The following MYO3B variants were observed in gnomAD, a reference collection of about 807,000 sequenced individuals.
MYO3B encodes myosin IIIB.
MYO3B carries 156 observed loss-of-function variants against 174.6 expected under a neutral mutation model. The ratio of observed to expected loss-of-function variants is 0.89; its 90% CI spans 0.78 to 1.02. The LOEUF (loss-of-function observed/expected upper bound fraction) is 1.02. Among genes scored for constraint, MYO3B ranks in the 50% least tolerant of loss-of-function variants. MYO3B has a pLI of 0.00. For missense variants in MYO3B, 1,632 were observed against 1,639.4 expected (o/e 1.00, Z 0.08); for synonymous variants, 563 against 569.1 (o/e 0.99, Z 0.15).
At chr2:170,559,465 G>C (rs547184491) in intron 32 of MYO3B, among the ~76,000 whole-genome samples, 1 of 152,274 alleles carries the variant, frequency 6.6e-6, no homozygotes, top group Non-Finnish European at 1.5e-5. Flanking sequence ...CAAAAGATCA[G>C]AGAGCAAAAT....
chr2:170,514,912 A>G lies in MYO3B; in HGVS notation c.3371-9A>G, dbSNP rs752442815. 2.0e-5 allele frequency: 32 copies of G among 1,610,794 alleles called. No homozygotes were observed. The highest frequency in any genetic ancestry group is 8.9e-5 in the South Asian group (8 of 90,296). On this transcript the variant is annotated splice_polypyrimidine_tract_variant and intron_variant, in intron 28 of 34. Coordinates refer to ENST00000408978, the MANE Select transcript of MYO3B (RefSeq NM_138995.5). ...AACCTTGAGAAAGTCTTTTTGTTTC[A>G]TTCCACAGGGGACACTTCAAACCAA...
intron 7 of MYO3B, among the ~76,000 whole-genome samples, chr2:170,313,913 C>T (rs907796270): frequency 6.6e-6 from 1 of 152,136 alleles, no homozygotes; most frequent in African/African-American, 2.4e-5. Context: ...GCCAGAGCTA[C>T]CTCATGACTC....
intron 32 of MYO3B, among the ~76,000 whole-genome samples, chr2:170,616,700 T>C (rs552597052): frequency 9.2e-5 from 14 of 152,304 alleles, no homozygotes; most frequent in African/African-American, 3.4e-4. Flanking sequence ...AAATTAACGA[T>C]AGTGGATCCT....
At chr2:170,211,340 C>T (rs983566318) in intron 3 of MYO3B, among the ~76,000 whole-genome samples, 2 of 152,210 alleles carry the variant, frequency 1.3e-5, no homozygotes, top group Non-Finnish European at 2.9e-5. Flanking sequence ...TGGACATCCA[C>T]TTTTAATTAA....
chr2:170,301,690 A>G (rs1041384169), intron 7 of MYO3B, among the ~76,000 whole-genome samples: 1 of 152,162 alleles, frequency 6.6e-6, no homozygotes, highest in Non-Finnish European at 1.5e-5. Context: ...TATATGGGCA[A>G]TAACAAATAA....
chr2:170,485,070 T>C (rs1324428300), intron 25 of MYO3B, among the ~76,000 whole-genome samples: 2 of 152,126 alleles, frequency 1.3e-5, no homozygotes, highest in South Asian at 4.1e-4. Context: ...TATTTTAAAA[T>C]GGGAAAAGCG....
intron 7 of MYO3B, among the ~76,000 whole-genome samples, chr2:170,275,951 G>T (rs1024875984): frequency 5.9e-5 from 9 of 152,142 alleles, no homozygotes; most frequent in Non-Finnish European, 1.3e-4. Context: ...TTTAAAAGCA[G>T]AATTTTGTAA....
chr2:170,581,286 T>C (rs1360112875), intron 32 of MYO3B, among the ~76,000 whole-genome samples: 1 of 152,264 alleles, frequency 6.6e-6, no homozygotes, highest in Admixed American at 6.5e-5. Context: ...CACTTTCTCA[T>C]GTGTTACTTT....
At chr2:170,400,402 C>CATT in intron 17 of MYO3B, 88 bp downstream of exon 17, 3 of 1,000,804 alleles carry the variant, frequency 3.0e-6, no homozygotes, top group Non-Finnish European at 4.0e-6. Flanking sequence ...TTTGCTGGTC[C>CATT]TTTTTTTTTT....
At chr2:170,571,544 T>C (rs1314823749) in intron 32 of MYO3B, among the ~76,000 whole-genome samples, 2 of 152,156 alleles carry the variant, frequency 1.3e-5, no homozygotes, top group African/African-American at 4.8e-5. Flanking sequence ...CCACTAAAGA[T>C]AGTAAGCAGA....
chr2:170,338,309 G>A (rs2093958120), intron 8 of MYO3B: 1 of 152,112 alleles, frequency 6.6e-6, no homozygotes, highest in Non-Finnish European at 1.5e-5. Context: ...GAAATTAAGT[G>A]ATTATGTGGT....
chr2:170,307,380 A>G (rs1048723035), intron 7 of MYO3B, among the ~76,000 whole-genome samples: 1 of 152,154 alleles, frequency 6.6e-6, no homozygotes, highest in Non-Finnish European at 1.5e-5. Context: ...TCTCAAACAG[A>G]TAACGAATTG....
At position 170,383,906 on chromosome 2, in the gene MYO3B, A is replaced by G. The variant is rs945238529; in HGVS notation, c.1290+92A>G. 8.5e-6 allele frequency: 9 copies of G among 1,062,160 alleles called. No homozygotes were observed. The East Asian group carries it at 1.2e-4, about 14-fold the overall frequency. The allele number at this position is 1,062,160 out of a possible 1,614,324, so 65.8% of individuals were successfully genotyped here. On this transcript the variant is annotated intron_variant, in intron 12 of 34. Transcript: ENST00000408978. ...TCCTAAGTCTTCCTGAAACCTTTCCATTCCGGTTGCTGGTGCTGACCCAAA... is the reference window on the plus strand; with the variant it reads ...TCCTAAGTCTTCCTGAAACCTTTCCGTTCCGGTTGCTGGTGCTGACCCAAA...
intron 3 of MYO3B, among the ~76,000 whole-genome samples, chr2:170,204,228 T>G (rs1233672189): frequency 1.3e-5 from 2 of 152,230 alleles, no homozygotes. Context: ...GCGGACAGTG[T>G]CCAACATGAT....
At chr2:170,534,406 T>C (rs1689552130) in intron 30 of MYO3B, among the ~76,000 whole-genome samples, 1 of 152,214 alleles carries the variant, frequency 6.6e-6, no homozygotes, top group Non-Finnish European at 1.5e-5. Flanking sequence ...ATATGTTTGT[T>C]GTTAGTCTGG....
chr2:170,482,493 T>G (rs564319052), intron 25 of MYO3B, among the ~76,000 whole-genome samples: 12 of 152,324 alleles, frequency 7.9e-5, no homozygotes, highest in Non-Finnish European at 1.5e-4. Context: ...ACGTAAAATG[T>G]GACTTGCTCC....
At chr2:170,584,533 C>T (rs1332631687) in intron 32 of MYO3B, among the ~76,000 whole-genome samples, 2 of 152,144 alleles carry the variant, frequency 1.3e-5, no homozygotes, top group South Asian at 2.1e-4. Flanking sequence ...CAGTTCTCTT[C>T]AACTATCTTT....
intron 7 of MYO3B, among the ~76,000 whole-genome samples, chr2:170,301,269 C>G (rs1395431207): frequency 1.3e-5 from 2 of 152,144 alleles, no homozygotes; most frequent in Non-Finnish European, 2.9e-5. Context: ...TCCTAGTTGA[C>G]TAATGAAGGT....
intron 6 of MYO3B, among the ~76,000 whole-genome samples, chr2:170,227,479 TC>T (rs34222257): frequency 1 from 152,049 of 152,246 alleles, 75,926 homozygotes; most frequent in Middle Eastern, 1. Context: ...GAGACAGGGT[TC>T]CATCATGTTG....
Sources: gnomAD v4.1 joint callset for allele counts (sites outside exome capture counted in the v4.1 genomes callset) on GRCh38, gnomAD v4.1.1 for gene constraint, MANE v1.5 for transcripts, NCBI Gene and HGNC (gene_info 2026-07-23, HGNC 2026-07-21) for gene names.